The following ASIC2 variants were observed in gnomAD, a reference collection of about 807,000 sequenced individuals.
ASIC2 encodes the protein acid-sensing ion channel 2.
A neutral mutation model predicts 57.3 loss-of-function variants in ASIC2; 25 were observed. That is an observed-to-expected ratio of 0.44 (90% CI 0.32 to 0.61). The LOEUF (loss-of-function observed/expected upper bound fraction) is 0.61. Among genes scored for constraint, ASIC2 ranks in the 20% least tolerant of loss-of-function variants. The probability of loss-of-function intolerance (pLI) is 0.06; values close to 1 mark genes in which losing one functional copy is unlikely to be tolerated. For synonymous variants in ASIC2, 319 were observed against 307.5 expected (o/e 1.04, Z -0.39); for missense variants, 641 against 738.1 (o/e 0.87, Z 1.52).
At chr17:33,433,340 G>C (rs1412492646) in intron 1 of ASIC2, among the ~76,000 whole-genome samples, 1 of 152,216 alleles carries the variant, frequency 6.6e-6, no homozygotes, top group Admixed American at 6.5e-5. Context: ...ATAAGTGGGA[G>C]CTAAATGATG....
intron 1 of ASIC2, among the ~76,000 whole-genome samples, chr17:34,089,211 T>C (rs188853719): frequency 1.4e-4 from 21 of 152,312 alleles, no homozygotes; most frequent in African/African-American, 5.1e-4. Flanking sequence ...CAACCAATAT[T>C]TATGAAGCAT....
At chr17:33,215,706 T>G (rs1907450977) in intron 1 of ASIC2, among the ~76,000 whole-genome samples, 1 of 101,364 alleles carries the variant, frequency 9.9e-6, no homozygotes, top group Non-Finnish European at 2.4e-5. Flanking sequence ...TACATGTGGC[T>G]TTTTTTTTTT....
At chr17:34,086,125 G>C (rs1017124297) in intron 1 of ASIC2, among the ~76,000 whole-genome samples, 1 of 147,788 alleles carries the variant, frequency 6.8e-6, no homozygotes, top group African/African-American at 2.5e-5. Context: ...TTTTAATTGT[G>C]ATGTTAGGGT....
chr17:33,321,977 G>T (rs981949685), intron 1 of ASIC2, among the ~76,000 whole-genome samples: 1 of 152,180 alleles, frequency 6.6e-6, no homozygotes, highest in African/African-American at 2.4e-5. Context: ...TACCTGAGAC[G>T]CCATGGCTTC....
intron 1 of ASIC2, among the ~76,000 whole-genome samples, chr17:34,085,055 G>A (rs1451367941): frequency 1.2e-4 from 18 of 152,134 alleles, no homozygotes; most frequent in Admixed American, 2.6e-4. Context: ...AATTGCCGTG[G>A]CCAGAACTTC....
chr17:33,738,902 C>T (rs898993847), intron 1 of ASIC2, among the ~76,000 whole-genome samples: 1 of 152,174 alleles, frequency 6.6e-6, no homozygotes, highest in African/African-American at 2.4e-5. Context: ...ATTGCTCCCA[C>T]CCTAGGAAGC....
chr17:33,118,239 A>G (rs1367118986), intron 1 of ASIC2, among the ~76,000 whole-genome samples: 2 of 152,128 alleles, frequency 1.3e-5, no homozygotes, highest in African/African-American at 4.8e-5. Flanking sequence ...TCCTCCAGTA[A>G]CTCTTCAAGT....
intron 1 of ASIC2, chr17:34,038,286 G>C (rs1222470927): frequency 6.2e-7 from 1 of 1,610,250 alleles, no homozygotes; most frequent in Admixed American, 1.7e-5. Flanking sequence ...TAGAAGTCCA[G>C]ATCATTTCCC....
intron 1 of ASIC2, among the ~76,000 whole-genome samples, chr17:33,956,912 G>T (rs1904751552): frequency 6.6e-6 from 1 of 152,234 alleles, no homozygotes. Flanking sequence ...GCCTACCTCT[G>T]CAAGTAGCGA....
chr17:33,631,590 G>A (rs1431133825), intron 1 of ASIC2, among the ~76,000 whole-genome samples: 6 of 152,150 alleles, frequency 3.9e-5, no homozygotes, highest in Admixed American at 3.9e-4. Context: ...GAATGCGATT[G>A]TGCCCACAGG....
chr17:33,175,465 T>TG (rs1378607254), intron 1 of ASIC2, among the ~76,000 whole-genome samples: 2 of 106,486 alleles, frequency 1.9e-5, no homozygotes, highest in African/African-American at 1.1e-4. Context: ...TATTTTATTG[T>TG]TTTTTTTTTC....
At chr17:34,155,633 C>A in intron 1 of ASIC2, 1 of 281,866 alleles carries the variant, frequency 3.5e-6, no homozygotes, top group Non-Finnish European at 6.7e-6. Context: ...ACAAGCTGTT[C>A]CAATCACACA....
At chr17:33,299,251 A>G (rs947803010) in intron 1 of ASIC2, among the ~76,000 whole-genome samples, 1 of 152,222 alleles carries the variant, frequency 6.6e-6, no homozygotes. Context: ...TTATAGACCA[A>G]TGCAACAGAA....
At chr17:33,731,161 C>T (rs935668949) in intron 1 of ASIC2, among the ~76,000 whole-genome samples, 6 of 152,188 alleles carry the variant, frequency 3.9e-5, no homozygotes, top group African/African-American at 1.4e-4. Flanking sequence ...CCTCAAGGGA[C>T]CATCTTTGAT....
In ASIC2 at chr17:33,684,192, A is replaced by C. The variant is rs570723382; in HGVS notation, c.555+471786T>G. Among the ~76,000 whole-genome samples, 4 of 152,254 alleles carry C rather than the reference A, an allele frequency of 2.6e-5. No homozygotes were observed. In the East Asian group the frequency reaches 7.7e-4, roughly 29 times the overall value. ...CTAGAACCTGGTCTACAAATTATAC[A>C]CCCTGGCATGTCCAAAAGCAAAATG... is the stretch of plus-strand genomic sequence containing the variant. On this transcript the variant is annotated intron_variant, in intron 1 of 9. Coordinates refer to the ASIC2 transcript ENST00000359872.
At chr17:33,912,803 A>C (rs978460988) in intron 1 of ASIC2, among the ~76,000 whole-genome samples, 1 of 152,024 alleles carries the variant, frequency 6.6e-6, no homozygotes, top group Non-Finnish European at 1.5e-5. Flanking sequence ...AACATGGAGA[A>C]ACCCCGTCTC....
chr17:33,568,504 C>T (rs958605986), intron 1 of ASIC2, among the ~76,000 whole-genome samples: 1 of 151,696 alleles, frequency 6.6e-6, no homozygotes, highest in Non-Finnish European at 1.5e-5. Context: ...GTGTTCTTGT[C>T]CCTCTCATTG....
At chr17:33,124,224 G>C (rs993028996) in intron 1 of ASIC2, among the ~76,000 whole-genome samples, 3 of 152,170 alleles carry the variant, frequency 2.0e-5, no homozygotes, top group African/African-American at 7.2e-5. Flanking sequence ...GCTGGTCTTG[G>C]AGATTGAGTA....
At chr17:33,358,785 G>A (rs542098229) in intron 1 of ASIC2, among the ~76,000 whole-genome samples, 15 of 152,282 alleles carry the variant, frequency 9.9e-5, no homozygotes, top group African/African-American at 3.6e-4. Context: ...AGTAAAGGCT[G>A]AACTCAAAGC....
Sources: allele counts gnomAD v4.1 joint callset (sites outside exome capture counted in the v4.1 genomes callset), GRCh38; gene constraint gnomAD v4.1.1; transcripts MANE v1.5; gene names NCBI Gene and HGNC (gene_info 2026-07-23, HGNC 2026-07-21).